The following PPFIA2 variants were observed in gnomAD, a reference collection of about 807,000 sequenced individuals.
The protein encoded by PPFIA2 is PPFI scaffold protein A2, also known as liprin-alpha-2.
Under a neutral mutation model 175.5 loss-of-function variants are expected in PPFIA2, and 46 were observed. The ratio of observed to expected loss-of-function variants is 0.26; its 90% confidence interval spans 0.21 to 0.34. PPFIA2 has a LOEUF of 0.34. PPFIA2 is among the 10% of genes least tolerant of loss of function. PPFIA2 has a pLI of 1.00. For missense variants in PPFIA2, 1,179 were observed against 1,506.1 expected (o/e 0.78, Z 3.60); for synonymous variants, 568 against 511.4 (o/e 1.11, Z -1.49).
chr12:81,647,826 GTATATATAATATATAATATAA>G (rs1316286744), intron 4 of PPFIA2, among the ~76,000 whole-genome samples: 2 of 137,152 alleles, frequency 1.5e-5, no homozygotes, highest in African/African-American at 5.4e-5. Context: ...AAAATATATA[GTATATATAATATATAATATAA>G]TATATAACAT....
At chr12:81,745,737 G>A (rs1451883887) in intron 3 of PPFIA2, among the ~76,000 whole-genome samples, 1 of 152,152 alleles carries the variant, frequency 6.6e-6, no homozygotes, top group Non-Finnish European at 1.5e-5. Flanking sequence ...ATGAGGACTT[G>A]CCTGCCTTGA....
chr12:81,621,567 T>C (rs2062044792), intron 4 of PPFIA2, among the ~76,000 whole-genome samples: 1 of 152,160 alleles, frequency 6.6e-6, no homozygotes, highest in Non-Finnish European at 1.5e-5. Context: ...TAGTTGGCCA[T>C]GTAGATGAAA....
chr12:81,409,427 T>C (rs1312152660), intron 7 of PPFIA2, among the ~76,000 whole-genome samples: 1 of 152,098 alleles, frequency 6.6e-6, no homozygotes, highest in Non-Finnish European at 1.5e-5. Flanking sequence ...ATAAATGGAT[T>C]AAGGCTGTTA....
chr12:81,264,813 C>T (rs528921098), intron 30 of PPFIA2, among the ~76,000 whole-genome samples: 226 of 152,256 alleles, frequency 1.5e-3, no homozygotes, highest in Non-Finnish European at 1.4e-3. Context: ...TTTTTCATTG[C>T]CCTAGATCTC....
intron 4 of PPFIA2, among the ~76,000 whole-genome samples, chr12:81,562,716 G>A (rs902298637): frequency 6.7e-6 from 1 of 149,346 alleles, no homozygotes; most frequent in Non-Finnish European, 1.5e-5. Context: ...GCGTAGTGGC[G>A]GGCGCCTGTA....
chr12:81,432,534 T>C lies in PPFIA2; in HGVS notation c.645+7438A>G, dbSNP rs190432700. Among the ~76,000 whole-genome samples, 82 of 151,320 alleles carry C rather than the reference T, an allele frequency of 5.4e-4. 1 individual carries two copies. Among genetic ancestry groups the C allele is most frequent in the African/African-American group, 2.0e-3 (81 of 41,142 alleles). Reference sequence around the variant, plus strand: ...AGGTTGGAGTGCAGTGGCGTGATCTTGGCCCAATGCAACCTCTGCCTCCCG... The same window carrying C: ...AGGTTGGAGTGCAGTGGCGTGATCTCGGCCCAATGCAACCTCTGCCTCCCG... On this transcript the variant is annotated intron_variant, in intron 7 of 32. Transcript: ENST00000549396.
chr12:81,667,436 A>C (rs2070553263), intron 4 of PPFIA2, among the ~76,000 whole-genome samples: 1 of 152,018 alleles, frequency 6.6e-6, no homozygotes, highest in South Asian at 2.1e-4. Context: ...TTACTCCTCC[A>C]TTCTAAAGTA....
chr12:81,733,563 CAT>C (rs1459441997), intron 3 of PPFIA2, among the ~76,000 whole-genome samples: 2 of 151,580 alleles, frequency 1.3e-5, no homozygotes, highest in African/African-American at 4.8e-5. Flanking sequence ...GAATAGGAAA[CAT>C]ACTTTTCTGA....
chr12:81,266,556 T>C lies in PPFIA2; in HGVS notation c.3555+396A>G, dbSNP rs141654760. Among the ~76,000 whole-genome samples the C allele has an allele frequency of 3.5e-3, 534 of 152,298 alleles. 2 individuals carry two copies. Among genetic ancestry groups the C allele is most frequent in the Non-Finnish European group, 5.9e-3 (398 of 68,006 alleles). ...GAAGCAAGTTTTATCCTCATTTTAA[T>C]TTTCTAAAATTTCCTGGCAAGATAT... On this transcript the variant is annotated intron_variant, in intron 30 of 32. Transcript: ENST00000549396.
intron 8 of PPFIA2, among the ~76,000 whole-genome samples, chr12:81,394,784 A>G (rs1194510949): frequency 6.6e-6 from 1 of 151,196 alleles, no homozygotes; most frequent in Non-Finnish European, 1.5e-5. Context: ...ACAAACCTGC[A>G]TATTCTGCAT....
chr12:81,569,500 A>G (rs2153410789), intron 4 of PPFIA2, among the ~76,000 whole-genome samples: 3 of 152,352 alleles, frequency 2.0e-5, no homozygotes, highest in Middle Eastern at 6.8e-3. Flanking sequence ...TATGGTTCAG[A>G]GAAACAAAAC....
intron 6 of PPFIA2, among the ~76,000 whole-genome samples, chr12:81,440,813 GATAT>G (rs142582712): frequency 4.5e-4 from 65 of 143,124 alleles, no homozygotes; most frequent in South Asian, 8.8e-4. Flanking sequence ...TATATGTCCT[GATAT>G]ATATATATAT....
intron 3 of PPFIA2, among the ~76,000 whole-genome samples, chr12:81,723,441 A>G (rs2079618171): frequency 6.6e-6 from 1 of 150,972 alleles, no homozygotes; most frequent in Non-Finnish European, 1.5e-5. Context: ...AACTTTCTTA[A>G]GATTCATGAA....
chr12:81,680,905 T>G (rs992456661), intron 3 of PPFIA2, among the ~76,000 whole-genome samples: 3 of 151,978 alleles, frequency 2.0e-5, no homozygotes, highest in African/African-American at 7.2e-5. Flanking sequence ...GTCATACAAC[T>G]GCTGACCTGC....
At chr12:81,629,403 C>G (rs2063107962) in intron 4 of PPFIA2, among the ~76,000 whole-genome samples, 3 of 152,070 alleles carry the variant, frequency 2.0e-5, no homozygotes, top group African/African-American at 7.2e-5. Flanking sequence ...TAGAAACTCT[C>G]TTTTAATTTT....
At chr12:81,622,773 G>A (rs1055994427) in intron 4 of PPFIA2, among the ~76,000 whole-genome samples, 2 of 152,094 alleles carry the variant, frequency 1.3e-5, no homozygotes, top group African/African-American at 4.8e-5. Flanking sequence ...TCATTTTTAT[G>A]TTCCTCCTTC....
chr12:81,325,658 G>C, intron 22 of PPFIA2, 119 bp downstream of exon 22: 1 of 673,264 alleles, frequency 1.5e-6, no homozygotes, highest in African/African-American at 1.8e-5. Context: ...GGTAGTATCT[G>C]GAAAATATTG....
chr12:81,703,723 C>A (rs2076773400), intron 3 of PPFIA2, among the ~76,000 whole-genome samples: 1 of 152,080 alleles, frequency 6.6e-6, no homozygotes, highest in Non-Finnish European at 1.5e-5. Flanking sequence ...CTCCACCTCA[C>A]CTCACTCATG....
At chr12:81,514,834 A>G (rs116580886) in intron 4 of PPFIA2, among the ~76,000 whole-genome samples, 2,096 of 152,072 alleles carry the variant, frequency 0.014, 50 homozygotes, top group African/African-American at 0.048. Flanking sequence ...CAAGATTGGT[A>G]GAAATAAATT....
Sources: allele counts gnomAD v4.1 joint callset (sites outside exome capture counted in the v4.1 genomes callset), GRCh38; gene constraint gnomAD v4.1.1; transcripts MANE v1.5; gene names NCBI Gene and HGNC (gene_info 2026-07-23, HGNC 2026-07-21).